The following LYPD6B variants were observed in gnomAD, a reference collection of about 807,000 sequenced individuals.
The protein encoded by LYPD6B is LY6/PLAUR domain containing 6B, also known as ly6/PLAUR domain-containing protein 6B.
In LYPD6B, 17 loss-of-function variants were observed where a neutral mutation model predicts 22.8. The observed-to-expected ratio is 0.75, with a 90% CI of 0.51 to 1.12. The LOEUF is 1.12. Among genes scored for constraint, LYPD6B ranks in the 50% most tolerant of loss-of-function variants. The probability of loss-of-function intolerance (pLI) is 0.00; values close to 1 mark genes in which losing one functional copy is unlikely to be tolerated. For synonymous variants in LYPD6B, 106 were observed against 91.6 expected, an observed-to-expected ratio of 1.16 and a Z score of -0.90; for missense variants, 221 against 258.3, an observed-to-expected ratio of 0.86 and a Z score of 0.99.
intron 1 of LYPD6B, chr2:149,069,050 C>T (rs1684472140): frequency 6.5e-6 from 1 of 152,972 alleles, no homozygotes; most frequent in African/African-American, 2.4e-5. Context: ...TGCTTTCCCC[C>T]AACCCCCACC....
At chr2:149,130,805 CT>C in intron 1 of LYPD6B, 77 bp from the exon 2 acceptor site, 3 of 689,054 alleles carry the variant, frequency 4.4e-6, no homozygotes, top group Non-Finnish European at 7.7e-6. Flanking sequence ...CTAAAACCCC[CT>C]ACTTACTTAA....
At chr2:149,198,657 T>C (rs1255559353) in intron 3 of LYPD6B, among the ~76,000 whole-genome samples, 1 of 152,212 alleles carries the variant, frequency 6.6e-6, no homozygotes, top group African/African-American at 2.4e-5. Flanking sequence ...TTTGATCAGG[T>C]TGCATGTAGT....
At chr2:149,062,736 C>T (rs1684145201) in intron 1 of LYPD6B, among the ~76,000 whole-genome samples, 1 of 151,846 alleles carries the variant, frequency 6.6e-6, no homozygotes, top group East Asian at 1.9e-4. Context: ...CAAATCGTTG[C>T]TATGCAAATG....
At chr2:149,081,540 TACAA>T (rs1212018460) in intron 1 of LYPD6B, among the ~76,000 whole-genome samples, 1 of 152,182 alleles carries the variant, frequency 6.6e-6, no homozygotes, top group Non-Finnish European at 1.5e-5. Flanking sequence ...AGGCCTCCCT[TACAA>T]CCCCATTGCC....
chr2:149,163,640 G>T (rs1379465605), intron 3 of LYPD6B, among the ~76,000 whole-genome samples: 3 of 152,130 alleles, frequency 2.0e-5, no homozygotes, highest in African/African-American at 4.8e-5. Flanking sequence ...CTATAAAGTT[G>T]GGTATCAGTT....
intron 3 of LYPD6B, among the ~76,000 whole-genome samples, chr2:149,201,439 A>G (rs899233372): frequency 1.4e-4 from 21 of 152,336 alleles, no homozygotes; most frequent in African/African-American, 4.8e-4. Flanking sequence ...ATGAAAGCCT[A>G]CTCAGCAAAG....
At position 149,124,683 on chromosome 2, in the gene LYPD6B, A is replaced by T. The variant is rs369363390; in HGVS notation, c.-66-6200A>T. On this transcript the variant is annotated intron_variant, in intron 1 of 6. Coordinates refer to ENST00000409642, the MANE Select transcript of LYPD6B (RefSeq NM_177964.5). ...CCCATGAAAATATTAGATAGTTCATAAATAATTTGGAACTGGCACTTAAAT... is the reference window on the plus strand; with the variant it reads ...CCCATGAAAATATTAGATAGTTCATTAATAATTTGGAACTGGCACTTAAAT... Among the ~76,000 whole-genome samples, 31 of 152,210 alleles carry T rather than the reference A, an allele frequency of 2.0e-4. 1 individual carries two copies. Among genetic ancestry groups the T allele is most frequent in the Admixed American group, 1.5e-3 (23 of 15,280 alleles).
chr2:149,082,987 A>G (rs1685205600), intron 1 of LYPD6B, among the ~76,000 whole-genome samples: 2 of 152,176 alleles, frequency 1.3e-5, no homozygotes, highest in African/African-American at 4.8e-5. Flanking sequence ...CTGGACAGGA[A>G]ACCTGATGCC....
At chr2:149,166,660 C>T (rs952485488) in intron 3 of LYPD6B, among the ~76,000 whole-genome samples, 1 of 152,172 alleles carries the variant, frequency 6.6e-6, no homozygotes. Context: ...CTGACACCCT[C>T]ATCGTCTTAT....
chr2:149,113,902 C>G (rs984386759), intron 1 of LYPD6B, among the ~76,000 whole-genome samples: 2 of 152,186 alleles, frequency 1.3e-5, no homozygotes, highest in Admixed American at 1.3e-4. Flanking sequence ...AAGGTATTGA[C>G]AAGATGGTGT....
At chr2:149,189,367 T>TATATATATATAC (rs1290881582) in intron 3 of LYPD6B, among the ~76,000 whole-genome samples, 18 of 81,008 alleles carry the variant, frequency 2.2e-4, no homozygotes, top group African/African-American at 6.5e-4. Context: ...TATATATATA[T>TATATATATATAC]ACACACACAT....
chr2:149,045,640 T>C (rs1031628203), intron 1 of LYPD6B, among the ~76,000 whole-genome samples: 2 of 152,156 alleles, frequency 1.3e-5, no homozygotes, highest in Non-Finnish European at 2.9e-5. Flanking sequence ...TTGAGACTAC[T>C]TATTGACCCG....
intron 2 of LYPD6B, among the ~76,000 whole-genome samples, chr2:149,153,486 A>G (rs1002450149): frequency 2.0e-5 from 3 of 152,134 alleles, no homozygotes; most frequent in Non-Finnish European, 4.4e-5. Context: ...ATAGTTAAGA[A>G]GAAGTCTTGG....
chr2:149,209,333 T>A (rs1410674440), intron 5 of LYPD6B, among the ~76,000 whole-genome samples: 1 of 152,036 alleles, frequency 6.6e-6, no homozygotes, highest in African/African-American at 2.4e-5. Context: ...GATGAGAATT[T>A]GGACTAGGTT....
At chr2:149,098,226 C>G (rs2105471676) in intron 1 of LYPD6B, among the ~76,000 whole-genome samples, 1 of 80,590 alleles carries the variant, frequency 1.2e-5, no homozygotes, top group Middle Eastern at 6.9e-3. Context: ...CTTAAATTTT[C>G]TTAAGTTTCT....
At chr2:149,145,372 G>C (rs145360613) in intron 2 of LYPD6B, among the ~76,000 whole-genome samples, 2 of 152,324 alleles carry the variant, frequency 1.3e-5, no homozygotes, top group East Asian at 3.9e-4. Flanking sequence ...GCTCAAGAGA[G>C]CAGAGTCTGA....
In LYPD6B at chr2:149,137,986, G is replaced by A. The variant is rs188698894; in HGVS notation, c.5+7033G>A. 3.8e-3 allele frequency among the ~76,000 whole-genome samples: 583 copies of A among 152,224 alleles called. 2 individuals carry two copies. Among genetic ancestry groups the A allele is most frequent in the African/African-American group, 0.013 (544 of 41,542 alleles). ...AGTTAATCTTTTCACTCTTTATAAA[G>A]TATCATTAAATTCCAAGATTCAGAA... On this transcript the variant is annotated intron_variant, in intron 2 of 6. Coordinates refer to ENST00000409642, the MANE Select transcript of LYPD6B (RefSeq NM_177964.5).
chr2:149,088,037 A>T (rs1272797292), intron 1 of LYPD6B, among the ~76,000 whole-genome samples: 1 of 152,020 alleles, frequency 6.6e-6, no homozygotes, highest in Non-Finnish European at 1.5e-5. Context: ...TTCGGCCTTC[A>T]TAAACACAGG....
chr2:149,194,001 C>T (rs1692650827), intron 3 of LYPD6B, among the ~76,000 whole-genome samples: 1 of 152,086 alleles, frequency 6.6e-6, no homozygotes. Context: ...GGATCTTGCC[C>T]ATCTCTCTCT....
Sources: gnomAD v4.1 joint callset for allele counts (sites outside exome capture counted in the v4.1 genomes callset) on GRCh38, gnomAD v4.1.1 for gene constraint, MANE v1.5 for transcripts, NCBI Gene and HGNC (gene_info 2026-07-23, HGNC 2026-07-21) for gene names.